SLC35F3: variants seen among roughly 807,000 people sequenced by gnomAD.
The protein encoded by SLC35F3 is solute carrier family 35 member F3, also known as putative thiamine transporter SLC35F3.
In SLC35F3, 25 loss-of-function variants were observed where a neutral mutation model predicts 49.9. The observed-to-expected ratio is 0.50, with a 90% CI of 0.37 to 0.70. The LOEUF is 0.70. Ranked by LOEUF, SLC35F3 falls within the 30% of genes least tolerant of loss-of-function variation. The pLI is 0.00. For missense variants in SLC35F3, 525 were observed against 639.8 expected (o/e 0.82, Z 1.94); for synonymous variants, 275 against 265.4 (o/e 1.04, Z -0.35).
rs1357867526 is a variant in SLC35F3 at position 234,155,513 on chromosome 1, G to T, written c.284-75904G>T. On this transcript the variant is annotated intron_variant, in intron 2 of 7. Coordinates refer to ENST00000366618, the MANE Select transcript of SLC35F3 (RefSeq NM_173508.4). ...CAACTTCTGACTCCCGGGTTGAAGCGATTCTCCTGCCTCAGTTTCCCAAGT... is the reference window on the plus strand; with the variant it reads ...CAACTTCTGACTCCCGGGTTGAAGCTATTCTCCTGCCTCAGTTTCCCAAGT... 2.6e-5 allele frequency among the ~76,000 whole-genome samples: 4 copies of T among 152,026 alleles called. No individual in the cohort carries two copies. The East Asian group carries it at 7.7e-4, about 29-fold the overall frequency.
chr1:234,280,919 G>A (rs894272645), intron 3 of SLC35F3, among the ~76,000 whole-genome samples: 1 of 152,180 alleles, frequency 6.6e-6, no homozygotes, highest in Admixed American at 6.5e-5. Context: ...CCAGAATGCT[G>A]AAGTTCTGTG....
chr1:234,248,197 C>CATTGTTTGGTGGGTTGGTTGGTTGGTG lies in SLC35F3; in HGVS notation c.608+16456_608+16457insATTGTTTGGTGGGTTGGTTGGTTGGTG, dbSNP rs1558272956. On this transcript the variant is annotated intron_variant, in intron 3 of 7. Transcript: ENST00000366618. ...TTGTTTGATGGGTCAGTTGGCTGGT[C>CATTGTTTGGTGGGTTGGTTGGTTGGTG]CATTGTTTGGTGGGTTGGTTGGTTG... is the stretch of plus-strand genomic sequence containing the variant. Among the ~76,000 whole-genome samples, 3 of 123,124 alleles carry CATTGTTTGGTGGGTTGGTTGGTTGGTG rather than the reference C, an allele frequency of 2.4e-5. No individual in the cohort carries two copies. In the East Asian group the frequency reaches 6.8e-4, roughly 28 times the overall value. 80.8% of individuals were successfully genotyped at this position (123,124 alleles called of 152,430 possible).
chr1:233,988,038 A>G (rs561019793), intron 2 of SLC35F3, among the ~76,000 whole-genome samples: 3 of 152,144 alleles, frequency 2.0e-5, no homozygotes, highest in South Asian at 2.1e-4. Context: ...TCTCAGTTTT[A>G]TATGCTAGAA....
At chr1:234,256,702 C>T (rs1221693699) in intron 3 of SLC35F3, among the ~76,000 whole-genome samples, 1 of 152,218 alleles carries the variant, frequency 6.6e-6, no homozygotes. Context: ...GCTAATGCCA[C>T]CATTTGTCTA....
chr1:233,998,386 C>CA (rs997925158), intron 2 of SLC35F3, among the ~76,000 whole-genome samples: 1 of 151,612 alleles, frequency 6.6e-6, no homozygotes, highest in African/African-American at 2.4e-5. Context: ...TCTTTCGGGG[C>CA]AAAAATCATG....
At chr1:233,920,705 C>T (rs1027737643) in intron 2 of SLC35F3, among the ~76,000 whole-genome samples, 3 of 152,322 alleles carry the variant, frequency 2.0e-5, no homozygotes, top group Middle Eastern at 3.4e-3. Context: ...CATGAGATTC[C>T]GTCTTGCTAG....
At position 234,077,057 on chromosome 1, in the gene SLC35F3, TGCAGTGGC is replaced by T. The variant is rs544117166; in HGVS notation, c.284-154356_284-154349del. ...CTGTCGCCCAGGCCGGACTGCGGAC[TGCAGTGGC>T]GCAATCTCGGCTCACTGCAAGCTCC... On this transcript the variant is annotated intron_variant, in intron 2 of 7. Transcript: ENST00000366618. Among the ~76,000 whole-genome samples the T allele has an allele frequency of 7.1e-3, 1,049 of 147,278 alleles. 3 individuals carry two copies. The highest frequency in any genetic ancestry group is 0.021 in the African/African-American group (834 of 39,836).
chr1:234,204,892 T>G (rs1558259525), intron 2 of SLC35F3, among the ~76,000 whole-genome samples: 1 of 152,210 alleles, frequency 6.6e-6, no homozygotes, highest in African/African-American at 2.4e-5. Context: ...TTTGGGTTGT[T>G]TGCTTGCTTT....
At chr1:234,035,580 T>A (rs959571559) in intron 2 of SLC35F3, among the ~76,000 whole-genome samples, 1 of 152,198 alleles carries the variant, frequency 6.6e-6, no homozygotes. Flanking sequence ...GTGTATTACG[T>A]TCATGCTGAG....
intron 3 of SLC35F3, among the ~76,000 whole-genome samples, chr1:234,266,274 G>A (rs1031856613): frequency 2.6e-5 from 4 of 152,064 alleles, no homozygotes; most frequent in African/African-American, 4.8e-5. Flanking sequence ...ATGGGCAAAA[G>A]ATTTTGACCT....
At chr1:234,209,118 C>A (rs1304446829) in intron 2 of SLC35F3, among the ~76,000 whole-genome samples, 1 of 152,148 alleles carries the variant, frequency 6.6e-6, no homozygotes, top group East Asian at 1.9e-4. Context: ...ATGCTAACAC[C>A]CTCAAAAGAG....
intron 2 of SLC35F3, among the ~76,000 whole-genome samples, chr1:233,950,580 C>T (rs944436949): frequency 7.3e-5 from 11 of 149,904 alleles, no homozygotes; most frequent in South Asian, 4.3e-4. Context: ...TTCTTTCCTT[C>T]GTACCTCCTT....
At chr1:233,986,170 A>G (rs1034362777) in intron 2 of SLC35F3, among the ~76,000 whole-genome samples, 1 of 152,130 alleles carries the variant, frequency 6.6e-6, no homozygotes, top group South Asian at 2.1e-4. Context: ...GTTAGCTATT[A>G]CTCTTACATT....
chr1:233,969,343 G>A (rs949528435), intron 2 of SLC35F3, among the ~76,000 whole-genome samples: 3 of 152,212 alleles, frequency 2.0e-5, no homozygotes, highest in Non-Finnish European at 4.4e-5. Flanking sequence ...CACTGTCGGT[G>A]GAGAGCTGAC....
chr1:233,975,162 T>A (rs1191771717), intron 2 of SLC35F3, among the ~76,000 whole-genome samples: 1 of 152,264 alleles, frequency 6.6e-6, no homozygotes, highest in East Asian at 1.9e-4. Flanking sequence ...TTTTAACAAC[T>A]GCTCTGTGCC....
intron 2 of SLC35F3, among the ~76,000 whole-genome samples, chr1:234,131,672 G>A (rs946716096): frequency 4.6e-5 from 7 of 152,166 alleles, no homozygotes; most frequent in South Asian, 2.1e-4. Context: ...GGAGCACGTC[G>A]TAAACAAACT....
In SLC35F3 at chr1:234,236,928, TATATATATATATA is replaced by T. The variant is rs1558269490; in HGVS notation, c.608+5188_608+5200del. 3.1e-3 allele frequency among the ~76,000 whole-genome samples: 57 copies of T among 18,314 alleles called. 1 individual carries two copies. Among genetic ancestry groups the T allele is most frequent in the Non-Finnish European group, 4.9e-3 (47 of 9,572 alleles). The allele number at this position is 18,314 out of a possible 152,430, so 12.0% of individuals were successfully genotyped here. ...CAGTCTCCTATTAAAAAAAAAATTA[TATATATATATATA>T]TATATATATATATATATATATATGG... is the stretch of plus-strand genomic sequence containing the variant. On this transcript the variant is annotated intron_variant, in intron 3 of 7. Transcript: ENST00000366618.
At position 233,950,457 on chromosome 1, in the gene SLC35F3, T is replaced by TTTCCTTCCTTCCTTCCTTCC. The variant is rs374073382; in HGVS notation, c.283+44710_283+44729dup. ...CAGCAAAGAAATGTTTCCTTCCTTC[T>TTTCCTTCCTTCCTTCCTTCC]TTCCTTCCTTCCTTCCTTCCTTCCT... On this transcript the variant is annotated intron_variant, in intron 2 of 7. Coordinates refer to ENST00000366618, the MANE Select transcript of SLC35F3 (RefSeq NM_173508.4). Among the ~76,000 whole-genome samples the TTTCCTTCCTTCCTTCCTTCC allele has an allele frequency of 2.4e-5, 3 of 127,314 alleles. No homozygotes were observed. The Admixed American group carries it at 2.8e-4, about 12-fold the overall frequency. 83.5% of individuals were successfully genotyped at this position (127,314 alleles called of 152,430 possible). A position where few individuals can be genotyped will look rare whatever the true frequency, so the allele number is the denominator to read the frequency against.
At chr1:233,933,144 A>G (rs1662272252) in intron 2 of SLC35F3, among the ~76,000 whole-genome samples, 1 of 152,010 alleles carries the variant, frequency 6.6e-6, no homozygotes, top group African/African-American at 2.4e-5. Flanking sequence ...CCCCCAAAAG[A>G]TGACAAAGGA....
Sources: gnomAD v4.1 joint callset for allele counts (sites outside exome capture counted in the v4.1 genomes callset) on GRCh38, gnomAD v4.1.1 for gene constraint, MANE v1.5 for transcripts, NCBI Gene and HGNC (gene_info 2026-07-23, HGNC 2026-07-21) for gene names.